Variants in DNAH17 observed in about 807,000 individuals in gnomAD.
DNAH17 encodes dynein axonemal heavy chain 17, also known as axonemal beta dynein heavy chain 17.
Under a neutral mutation model 485.6 loss-of-function variants are expected in DNAH17, and 376 were observed. The ratio of observed to expected loss-of-function variants is 0.77; its 90% CI spans 0.71 to 0.84. DNAH17 has a LOEUF of 0.84. Ranked by LOEUF, DNAH17 falls within the 40% of genes least tolerant of loss-of-function variation. The pLI is 0.00. For missense variants in DNAH17, 6,370 were observed against 5,839.3 expected, an observed-to-expected ratio of 1.09 and a Z score of -2.96; for synonymous variants, 3,031 against 2,405.9, an observed-to-expected ratio of 1.26 and a Z score of -7.60.
intron 16 of DNAH17, among the ~76,000 whole-genome samples, chr17:78,546,769 G>A (rs2091774451): frequency 6.6e-6 from 1 of 152,170 alleles, no homozygotes; most frequent in African/African-American, 2.4e-5. Flanking sequence ...TACCAGGCAT[G>A]GTGGCCCATG....
intron 19 of DNAH17, among the ~76,000 whole-genome samples, chr17:78,535,905 C>A (rs1329512180): frequency 6.6e-6 from 1 of 152,174 alleles, no homozygotes; most frequent in Non-Finnish European, 1.5e-5. Flanking sequence ...ATTTAGGTCA[C>A]TTAAGTCTTT....
intron 17 of DNAH17, 27 bp from the exon 18 acceptor site, chr17:78,539,907 C>T (rs779940715): frequency 1.3e-6 from 2 of 1,540,164 alleles, no homozygotes; most frequent in Non-Finnish European, 1.7e-6. Flanking sequence ...ACAGTTGGGC[C>T]TCACTTCACT....
chr17:78,575,965 G>T (rs1182146374), intron 1 of DNAH17, among the ~76,000 whole-genome samples: 1 of 152,238 alleles, frequency 6.6e-6, no homozygotes, highest in Non-Finnish European at 1.5e-5. Flanking sequence ...TTCTGCAAGG[G>T]CAGGGTTGAA....
chr17:78,450,068 T>G, intron 68 of DNAH17, 186 bp downstream of exon 68: 1 of 632,290 alleles, frequency 1.6e-6, no homozygotes, highest in Non-Finnish European at 2.7e-6. Flanking sequence ...CTGGGGAGAA[T>G]GGGTGTAGGA....
intron 48 of DNAH17, 129 bp from the exon 49 acceptor site, chr17:78,480,915 G>C (rs760269847): frequency 4.4e-5 from 30 of 675,244 alleles, no homozygotes; most frequent in Non-Finnish European, 6.4e-5. Flanking sequence ...CTGTTGCCCA[G>C]GCTGGAGTGC....
At chr17:78,477,481 T>C (rs527496995) in intron 51 of DNAH17, among the ~76,000 whole-genome samples, 2 of 152,194 alleles carry the variant, frequency 1.3e-5, no homozygotes, top group African/African-American at 4.8e-5. Context: ...TGGGTTCAAG[T>C]GATTCTCACA....
chr17:78,444,548 G>A (rs2087200160), intron 71 of DNAH17, 56 bp downstream of exon 71: 1 of 1,481,070 alleles, frequency 6.8e-7, no homozygotes, highest in East Asian at 2.5e-5. Flanking sequence ...GCTCGGTCAA[G>A]CTTCCATCAG....
intron 14 of DNAH17, among the ~76,000 whole-genome samples, chr17:78,556,450 G>A (rs2092025507): frequency 1.3e-5 from 2 of 152,216 alleles, no homozygotes. Flanking sequence ...GAACTAGAAG[G>A]TAGGAAATAC....
chr17:78,558,495 CATCACCCTCAT>C (rs2092077988), intron 13 of DNAH17, among the ~76,000 whole-genome samples: 1 of 152,106 alleles, frequency 6.6e-6, no homozygotes, highest in Non-Finnish European at 1.5e-5. Context: ...GGGTGGATGA[CATCACCCTCAT>C]GGGTGGATGA....
intron 40 of DNAH17, 103 bp from the exon 41 acceptor site, chr17:78,494,276 G>A (rs1273858939): frequency 1.3e-6 from 2 of 1,487,008 alleles, no homozygotes; most frequent in African/African-American, 1.4e-5. Context: ...GATGATAAAG[G>A]CGCCCTTGCC....
chr17:78,564,419 C>G (rs115383498), intron 11 of DNAH17, among the ~76,000 whole-genome samples: 1 of 152,094 alleles, frequency 6.6e-6, no homozygotes, highest in Non-Finnish European at 1.5e-5. Context: ...AGCACCTCCC[C>G]GTGGAGCCAG....
chr17:78,486,761 G>T (rs2146652291), intron 44 of DNAH17, among the ~76,000 whole-genome samples: 1 of 152,326 alleles, frequency 6.6e-6, no homozygotes, highest in Middle Eastern at 3.4e-3. Context: ...GGTGCTGTAG[G>T]TCTAGAACAG....
chr17:78,429,552 C>G (rs1330146663), intron 75 of DNAH17, among the ~76,000 whole-genome samples: 2 of 152,198 alleles, frequency 1.3e-5, no homozygotes, highest in East Asian at 3.9e-4. Flanking sequence ...TGTGTGGCAC[C>G]TCCCTCCACC....
intron 26 of DNAH17, among the ~76,000 whole-genome samples, chr17:78,513,979 G>A (rs1406910066): frequency 2.6e-5 from 4 of 152,208 alleles, no homozygotes; most frequent in Middle Eastern, 3.4e-3. Flanking sequence ...AGAGGGGAGC[G>A]TTCCTGTTAG....
In DNAH17 at chr17:78,507,499, C is replaced by T. The variant is rs776222307; in HGVS notation, c.4543G>A (p.Gly1515Arg). 2 of 1,613,148 alleles carry T rather than the reference C, an allele frequency of 1.2e-6. No individual in the cohort carries two copies. The highest frequency in any genetic ancestry group is 1.1e-5 in the South Asian group (1 of 91,082). Residue 1515 changes from glycine to arginine, a missense_variant, in exon 28 of 81, where the codon GGG (glycine) becomes AGG (arginine). By Grantham distance (125) the Gly-to-Arg change is moderately radical. Coordinates refer to ENST00000389840, the MANE Select transcript of DNAH17 (RefSeq NM_173628.4). ...GSEDIRTQLP[G>R]DSQRFDDINQ... is the part of the protein sequence containing the mutation. ...ATGTCGTCAAAGCGCTGGGAGTCCC[C>T]CGGGAGCTGGGTGCGGATGTCTTCG...
At chr17:78,489,935 C>G (rs1341451070) in intron 44 of DNAH17, 2 of 152,106 alleles carry the variant, frequency 1.3e-5, no homozygotes, top group East Asian at 1.9e-4. Context: ...TCAGGAACAC[C>G]TCACTGGGAT....
chr17:78,556,180 C>T (rs921524812), intron 14 of DNAH17, among the ~76,000 whole-genome samples: 1 of 152,212 alleles, frequency 6.6e-6, no homozygotes, highest in Non-Finnish European at 1.5e-5. Flanking sequence ...TCTATCCATC[C>T]ATCTACCTGC....
Position 78,444,611 on chromosome 17 carries a change from C to T in DNAH17, c.11521G>A (p.Ala3841Thr), listed in dbSNP as rs1249817078. 5 of 1,563,112 alleles carry T rather than the reference C, an allele frequency of 3.2e-6. No individual in the cohort carries two copies. The African/African-American group carries it at 4.1e-5, about 13-fold the overall frequency. ...RCLRPDRMTY[A>T]IKNFVEEKMG... ...GCGCGGCGGGACACTCACTTGATAG[C>T]GTAGGTCATGCGATCTGGCCGCAGG... The change falls in exon 71 of 81, where the codon GCT (alanine) becomes ACT (threonine). Residue 3841 changes from alanine (A) to threonine (T), a missense_variant. Coordinates refer to ENST00000389840, the MANE Select transcript of DNAH17 (RefSeq NM_173628.4).
chr17:78,504,682 G>C (rs2090427132), intron 31 of DNAH17, among the ~76,000 whole-genome samples: 2 of 152,132 alleles, frequency 1.3e-5, no homozygotes, highest in South Asian at 4.1e-4. Flanking sequence ...GGGGCAGCCC[G>C]GAAGTTTTCT....
Sources: gnomAD v4.1 joint callset for allele counts (sites outside exome capture counted in the v4.1 genomes callset) on GRCh38, gnomAD v4.1.1 for gene constraint, MANE v1.5 for transcripts, NCBI Gene and HGNC (gene_info 2026-07-23, HGNC 2026-07-21) for gene names.